MCTP2: variants seen among roughly 807,000 people sequenced by gnomAD.
MCTP2 encodes the protein multiple C2 and transmembrane domain containing 2, also known as multiple C2 and transmembrane domain-containing protein 2.
In MCTP2, 132 loss-of-function variants were observed where a neutral mutation model predicts 111.6. The ratio of observed to expected loss-of-function variants is 1.18; its 90% confidence interval spans 1.03 to 1.37. The LOEUF (loss-of-function observed/expected upper bound fraction) is 1.37. MCTP2 is among the 40% of genes most tolerant of loss of function. The probability of loss-of-function intolerance (pLI) is 0.00; values close to 1 mark genes in which losing one functional copy is unlikely to be tolerated. For synonymous variants in MCTP2, 395 were observed against 387.7 expected (o/e 1.02, Z -0.22); for missense variants, 1,183 against 1,067.9 (o/e 1.11, Z -1.50).
chr15:94,433,390 G>T (rs2083294512), intron 17 of MCTP2, among the ~76,000 whole-genome samples: 2 of 152,142 alleles, frequency 1.3e-5, no homozygotes, highest in Admixed American at 1.3e-4. Context: ...ATATTGGGAA[G>T]ACATGCATGG....
chr15:94,358,639 G>T (rs202078233), intron 10 of MCTP2, 27 bp downstream of exon 10: 2 of 1,611,236 alleles, frequency 1.2e-6, no homozygotes, highest in South Asian at 2.2e-5. Context: ...TTCCAGTGGC[G>T]GGAGCATGTT....
intron 7 of MCTP2, chr15:94,343,116 G>T (rs2077754723): frequency 6.6e-6 from 1 of 151,160 alleles, no homozygotes; most frequent in Non-Finnish European, 1.5e-5. Flanking sequence ...CTTCTGATTG[G>T]TAGTTTTTTT....
At chr15:94,402,187 A>G (rs1230496697) in intron 17 of MCTP2, 168 bp downstream of exon 17, 3 of 871,534 alleles carry the variant, frequency 3.4e-6, no homozygotes, top group South Asian at 5.3e-5. Context: ...TTAGTCATAT[A>G]TGGTCTCTTG....
chr15:94,406,014 C>T (rs2081879270), intron 17 of MCTP2, among the ~76,000 whole-genome samples: 2 of 152,074 alleles, frequency 1.3e-5, no homozygotes, highest in Admixed American at 1.3e-4. Flanking sequence ...GTAAGTGCAC[C>T]TGTATATTTC....
chr15:94,334,569 C>T (rs920291987), intron 4 of MCTP2, among the ~76,000 whole-genome samples: 4 of 152,020 alleles, frequency 2.6e-5, no homozygotes, highest in African/African-American at 9.7e-5. Context: ...AGGGTCTTGC[C>T]CTGTTAGCCA....
At chr15:94,237,176 T>C (rs1414718845) in intron 1 of MCTP2, among the ~76,000 whole-genome samples, 1 of 152,182 alleles carries the variant, frequency 6.6e-6, no homozygotes, top group Non-Finnish European at 1.5e-5. Context: ...AGGTTGGCAA[T>C]GTAGAGATTT....
At chr15:94,313,531 T>C (rs1313488766) in intron 2 of MCTP2, among the ~76,000 whole-genome samples, 7 of 151,918 alleles carry the variant, frequency 4.6e-5, no homozygotes. Flanking sequence ...TGAAACCCTA[T>C]CTCTACTAAA....
intron 17 of MCTP2, among the ~76,000 whole-genome samples, chr15:94,418,646 G>A (rs539243929): frequency 2.8e-4 from 42 of 152,150 alleles, no homozygotes; most frequent in African/African-American, 8.2e-4. Context: ...CTTTATGAGC[G>A]GTGTGGGGAT....
intron 1 of MCTP2, among the ~76,000 whole-genome samples, chr15:94,249,659 G>A (rs1199523670): frequency 6.6e-6 from 1 of 151,926 alleles, no homozygotes; most frequent in Non-Finnish European, 1.5e-5. Context: ...CTAATTTTTT[G>A]TATTTTTAGT....
chr15:94,432,038 C>T (rs771337568), intron 17 of MCTP2, among the ~76,000 whole-genome samples: 9 of 152,068 alleles, frequency 5.9e-5, no homozygotes, highest in Non-Finnish European at 1.2e-4. Context: ...CAGCTTCTAG[C>T]CCTCTTAAGT....
intron 10 of MCTP2, among the ~76,000 whole-genome samples, chr15:94,363,651 T>A (rs1297749037): frequency 6.6e-6 from 1 of 152,122 alleles, no homozygotes; most frequent in East Asian, 1.9e-4. Context: ...TGGGAGTTCC[T>A]TCCTAGACAC....
chr15:94,317,584 A>G (rs540225999), intron 4 of MCTP2, among the ~76,000 whole-genome samples: 83 of 152,256 alleles, frequency 5.5e-4, no homozygotes, highest in African/African-American at 1.9e-3. Flanking sequence ...TGCACTGGCC[A>G]TCTTACCTGC....
At chr15:94,465,179 A>C (rs2073161631) in intron 20 of MCTP2, among the ~76,000 whole-genome samples, 1 of 152,142 alleles carries the variant, frequency 6.6e-6, no homozygotes, top group Admixed American at 6.5e-5. Flanking sequence ...TTGGAGCATT[A>C]GTATGAAGCA....
At chr15:94,427,415 G>T (rs2082947273) in intron 17 of MCTP2, among the ~76,000 whole-genome samples, 1 of 152,120 alleles carries the variant, frequency 6.6e-6, no homozygotes, top group Non-Finnish European at 1.5e-5. Context: ...TGACTGGGAG[G>T]CCTCAGGAAA....
At chr15:94,476,901 A>G in intron 22 of MCTP2, 108 bp downstream of exon 22, 1 of 681,438 alleles carries the variant, frequency 1.5e-6, no homozygotes, top group Non-Finnish European at 2.6e-6. Context: ...GAGATAAGGA[A>G]CCAGAAAATC....
At chr15:94,294,004 A>C (rs2075145385) in intron 1 of MCTP2, among the ~76,000 whole-genome samples, 2 of 152,214 alleles carry the variant, frequency 1.3e-5, no homozygotes, top group Admixed American at 1.3e-4. Flanking sequence ...ATTGTGGTAC[A>C]TCCACACAAT....
chr15:94,365,717 G>A (rs771932141), intron 10 of MCTP2, among the ~76,000 whole-genome samples: 1 of 152,080 alleles, frequency 6.6e-6, no homozygotes, highest in African/African-American at 2.4e-5. Context: ...ATTATTAGCT[G>A]TCAGAGCACT....
Position 94,442,986 on chromosome 15 carries a change from C to CA in MCTP2, c.2250+27dup, listed in dbSNP as rs536427915. 2.8e-4 allele frequency: 450 copies of CA among 1,591,218 alleles called. 1 individual carries two copies. The African/African-American group carries it at 4.8e-3, about 17-fold the overall frequency. ...GTGCGTATGTTCAAGAAAGAACACA[C>CA]ACAAAAAAACACTAGTGTTGTCAAC... On this transcript the variant is annotated intron_variant, in intron 19 of 22. Transcript: ENST00000357742.
chr15:94,393,866 A>G (rs1032274632), intron 14 of MCTP2, among the ~76,000 whole-genome samples: 2 of 152,012 alleles, frequency 1.3e-5, no homozygotes, highest in African/African-American at 4.8e-5. Context: ...CCTGGGCAAC[A>G]TGGTGAAACC....
Sources: gnomAD v4.1 joint callset for allele counts (sites outside exome capture counted in the v4.1 genomes callset) on GRCh38, gnomAD v4.1.1 for gene constraint, MANE v1.5 for transcripts, NCBI Gene and HGNC (gene_info 2026-07-23, HGNC 2026-07-21) for gene names.